The following F10 variants were observed in gnomAD, a reference collection of about 807,000 sequenced individuals.
F10 encodes the protein coagulation factor X, also known as Stuart-Prower factor.
Under a neutral mutation model 37.1 loss-of-function variants are expected in F10, and 29 were observed. The ratio of observed to expected loss-of-function variants is 0.78; its 90% CI spans 0.58 to 1.07. The LOEUF (loss-of-function observed/expected upper bound fraction) is 1.07. F10 is among the 50% of genes least tolerant of loss of function. The pLI is 0.00. For missense variants in F10, 539 were observed against 667.9 expected (o/e 0.81, Z 2.13); for synonymous variants, 262 against 268.6 (o/e 0.98, Z 0.24).
intron 5 of F10, among the ~76,000 whole-genome samples, chr13:113,142,347 C>A (rs899974575): frequency 6.6e-6 from 1 of 151,144 alleles, no homozygotes; most frequent in Admixed American, 6.6e-5. Context: ...CGAGACCATC[C>A]TGGCCAACAC....
intron 2 of F10, among the ~76,000 whole-genome samples, chr13:113,136,208 G>C (rs1285256357): frequency 6.6e-6 from 1 of 152,152 alleles, no homozygotes; most frequent in African/African-American, 2.4e-5. Flanking sequence ...TACTCATAGA[G>C]TAAAAAACAC....
intron 2 of F10, chr13:113,130,406 A>G (rs2480946): frequency 0.13 from 19,406 of 153,110 alleles, 1,352 homozygotes; most frequent in South Asian, 0.22. Context: ...CACCCCAGGC[A>G]TCAGGAAAGG....
At chr13:113,148,600 A>G (rs1305767789) in intron 7 of F10, among the ~76,000 whole-genome samples, 1 of 152,078 alleles carries the variant, frequency 6.6e-6, no homozygotes. Flanking sequence ...TGGGTCTGGG[A>G]TGCCAAAAGC....
chr13:113,126,276 G>A (rs1031701769), intron 1 of F10, among the ~76,000 whole-genome samples: 1 of 152,196 alleles, frequency 6.6e-6, no homozygotes, highest in Non-Finnish European at 1.5e-5. Context: ...TCCTCACACA[G>A]TCCAGCTCAA....
At chr13:113,145,345 T>G (rs2036573043) in intron 6 of F10, among the ~76,000 whole-genome samples, 1 of 151,320 alleles carries the variant, frequency 6.6e-6, no homozygotes, top group Non-Finnish European at 1.5e-5. Flanking sequence ...GATTGTTGAT[T>G]TGGACTAATG....
chr13:113,143,703 G>GATTAA lies in F10; in HGVS notation c.503-148_503-147insATTAA. 1.8e-5 allele frequency: 21 copies of GATTAA among 1,188,274 alleles called. No homozygotes were observed. Among genetic ancestry groups the GATTAA allele is most frequent in the Admixed American group, 1.2e-4 (5 of 42,352 alleles). The allele number at this position is 1,188,274 out of a possible 1,614,324, so 73.6% of individuals were successfully genotyped here. On this transcript the variant is annotated intron_variant, in intron 5 of 7. Transcript: ENST00000375559. This position sits in a 1 kb window ranked among gnomAD's most constrained non-coding sequence, Gnocchi z 6.8. ...CAGATCCGACCCCTGCCGACGACGT[G>GATTAA]GGGCCTCGCCCTGCAAGCCCGCTGC...
chr13:113,127,817 T>C (rs1233637352), intron 1 of F10, among the ~76,000 whole-genome samples: 1 of 152,032 alleles, frequency 6.6e-6, no homozygotes, highest in African/African-American at 2.4e-5. Context: ...AATCCCCACA[T>C]AACAAAGAGC....
At chr13:113,124,272 C>A (rs1250491231) in intron 1 of F10, among the ~76,000 whole-genome samples, 3 of 152,208 alleles carry the variant, frequency 2.0e-5, no homozygotes, top group Non-Finnish European at 2.9e-5. Context: ...AGGCCAGGAG[C>A]CCACCCAGAC....
At chr13:113,147,004 T>G (rs1337862782) in intron 6 of F10, among the ~76,000 whole-genome samples, 1 of 152,160 alleles carries the variant, frequency 6.6e-6, no homozygotes, top group African/African-American at 2.4e-5. Context: ...GCACACCGGT[T>G]GAGGCAGATG....
chr13:113,129,435 T>C lies in F10; in HGVS notation c.71-17T>C. 1 of 1,606,474 alleles carries C rather than the reference T, an allele frequency of 6.2e-7. No homozygotes were observed. Among genetic ancestry groups the C allele is most frequent in the Non-Finnish European group, 8.5e-7 (1 of 1,176,224 alleles). On this transcript the variant is annotated splice_polypyrimidine_tract_variant and intron_variant, in intron 1 of 7. Transcript: ENST00000375559. ...AGGGTGACCAGAGCTTTTAACCCTG[T>C]CCTCCCTGCCTTCCAGTGTTCATCC...
intron 1 of F10, among the ~76,000 whole-genome samples, chr13:113,124,644 C>T (rs1261779987): frequency 2.0e-5 from 3 of 152,244 alleles, no homozygotes; most frequent in South Asian, 2.1e-4. Flanking sequence ...AATCAGAATG[C>T]GCACAGCATC....
chr13:113,128,418 C>T (rs2036390737), intron 1 of F10: 2 of 152,160 alleles, frequency 1.3e-5, no homozygotes, highest in South Asian at 2.1e-4. Flanking sequence ...GAGTTATTAT[C>T]TAAAGACCTG....
chr13:113,145,497 T>C (rs1417311975), intron 6 of F10, among the ~76,000 whole-genome samples: 1 of 150,684 alleles, frequency 6.6e-6, no homozygotes, highest in Non-Finnish European at 1.5e-5. Context: ...AGTGTAAGTA[T>C]GTTCCAAGTA....
At position 113,144,901 on chromosome 13, in the gene F10, C is replaced by T. The variant is rs1188262924; in HGVS notation, c.747+806C>T. 2.6e-4 allele frequency among the ~76,000 whole-genome samples: 38 copies of T among 147,766 alleles called. No individual in the cohort carries two copies. The highest frequency in any genetic ancestry group is 2.0e-3 in the Admixed American group (30 of 14,836). ...GGCTAATTTTTTTTTTTTTTTGAGA[C>T]GGAGTCTCACTCTGTCGCCCAGGCT... On this transcript the variant is annotated intron_variant, in intron 6 of 7. Coordinates refer to ENST00000375559, the MANE Select transcript of F10 (RefSeq NM_000504.4). The surrounding 1 kb of genome is among the most constrained non-coding windows in gnomAD (Gnocchi z 6.4).
intron 2 of F10, among the ~76,000 whole-genome samples, chr13:113,134,717 T>C (rs1161955392): frequency 6.6e-6 from 1 of 152,216 alleles, no homozygotes; most frequent in Non-Finnish European, 1.5e-5. Flanking sequence ...AGCACATGTG[T>C]TAATCACATT....
intron 5 of F10, among the ~76,000 whole-genome samples, chr13:113,142,263 C>T (rs962257423): frequency 4.6e-5 from 7 of 152,074 alleles, no homozygotes; most frequent in Non-Finnish European, 1.0e-4. Flanking sequence ...AAGTGTGGGC[C>T]GGGTGCAGTA....
intron 6 of F10, among the ~76,000 whole-genome samples, chr13:113,145,782 T>G (rs2036577506): frequency 6.6e-6 from 1 of 152,342 alleles, no homozygotes; most frequent in South Asian, 2.1e-4. Context: ...CATCAGCTCT[T>G]GTGAGACTTA....
chr13:113,133,987 A>T (rs1372740145), intron 2 of F10, among the ~76,000 whole-genome samples: 1 of 152,212 alleles, frequency 6.6e-6, no homozygotes, highest in Non-Finnish European at 1.5e-5. Context: ...ATGATTTTAT[A>T]AAAAACCTAT....
intron 6 of F10, among the ~76,000 whole-genome samples, chr13:113,145,703 C>T (rs1335092658): frequency 6.6e-6 from 1 of 152,126 alleles, no homozygotes; most frequent in Non-Finnish European, 1.5e-5. Context: ...AGGCGCAAGG[C>T]ACGTCTTACA....
Sources: allele counts gnomAD v4.1 joint callset (sites outside exome capture counted in the v4.1 genomes callset), GRCh38; gene constraint gnomAD v4.1.1; non-coding constraint Gnocchi (gnomAD v3.1); transcripts MANE v1.5; gene names NCBI Gene and HGNC (gene_info 2026-07-23, HGNC 2026-07-21).